The following RIT2 variants were observed in gnomAD, a reference collection of about 807,000 sequenced individuals.
The protein encoded by RIT2 is Ras like without CAAX 2, also known as GTP-binding protein Rit2.
Under a neutral mutation model 23.7 loss-of-function variants are expected in RIT2, and 24 were observed. That is an observed-to-expected ratio of 1.01 (90% CI 0.73 to 1.43). The LOEUF (loss-of-function observed/expected upper bound fraction) is 1.43, where lower values mean the gene tolerates loss of function less well. Ranked by LOEUF, RIT2 falls within the 40% of genes most tolerant of loss-of-function variation. The pLI is 0.00. For missense variants in RIT2, 236 were observed against 266.9 expected, an observed-to-expected ratio of 0.88 and a Z score of 0.81; for synonymous variants, 107 against 91.1, an observed-to-expected ratio of 1.17 and a Z score of -0.99.
chr18:42,985,979 A>G lies in RIT2; in HGVS notation c.161-11832T>C, dbSNP rs867725819. Among the ~76,000 whole-genome samples, 11 of 152,070 alleles carry G rather than the reference A, an allele frequency of 7.2e-5. 1 individual carries two copies. The highest frequency in any genetic ancestry group is 3.4e-3 in the Middle Eastern group (1 of 294). On this transcript the variant is annotated intron_variant, in intron 2 of 4. Coordinates refer to ENST00000326695, the MANE Select transcript of RIT2 (RefSeq NM_002930.4). ...TGAGAATGAAAATATGAGTCATTTT[A>G]TGAAATAAAGTGGGTGTAACAACAA...
intron 1 of RIT2, among the ~76,000 whole-genome samples, chr18:43,111,225 T>C (rs1022079276): frequency 7.2e-5 from 11 of 152,098 alleles, no homozygotes; most frequent in Non-Finnish European, 1.2e-4. Flanking sequence ...CATGGTCTCA[T>C]TCATTTGTGG....
intron 1 of RIT2, among the ~76,000 whole-genome samples, chr18:43,065,603 A>G (rs760344233): frequency 6.6e-6 from 1 of 152,064 alleles, no homozygotes. Flanking sequence ...AAAGTGTTTT[A>G]TCTTCTTTAT....
chr18:43,089,653 A>C (rs181444398), intron 1 of RIT2, among the ~76,000 whole-genome samples: 2 of 152,136 alleles, frequency 1.3e-5, no homozygotes, highest in Admixed American at 6.6e-5. Context: ...ACAGGGCTAC[A>C]GTAACCAAAA....
At chr18:42,992,354 G>A (rs1230963421) in intron 2 of RIT2, among the ~76,000 whole-genome samples, 2 of 151,926 alleles carry the variant, frequency 1.3e-5, no homozygotes, top group Non-Finnish European at 2.9e-5. Flanking sequence ...TCGTAAAATG[G>A]GCAAATGGTC....
chr18:42,790,151 T>C (rs1488351568), intron 4 of RIT2, among the ~76,000 whole-genome samples: 1 of 152,212 alleles, frequency 6.6e-6, no homozygotes. Context: ...ACATAGAATC[T>C]TTACAAACTA....
chr18:43,110,435 A>G (rs76518552), intron 1 of RIT2, among the ~76,000 whole-genome samples: 26,003 of 152,086 alleles, frequency 0.17, 2,412 homozygotes, highest in East Asian at 0.37. Context: ...GCCAAGGAAG[A>G]CAATATTTCA....
intron 4 of RIT2, among the ~76,000 whole-genome samples, chr18:42,886,156 A>T (rs1908017428): frequency 6.6e-6 from 1 of 152,224 alleles, no homozygotes; most frequent in African/African-American, 2.4e-5. Context: ...CTGCTGATTA[A>T]AGTATACATT....
chr18:42,972,541 T>G lies in RIT2; in HGVS notation c.234+1533A>C, dbSNP rs2144202168. 2.0e-5 allele frequency among the ~76,000 whole-genome samples: 3 copies of G among 151,978 alleles called. No individual in the cohort carries two copies. In the Middle Eastern group the frequency reaches 0.01, roughly 520 times the overall value. On this transcript the variant is annotated intron_variant, in intron 3 of 4. Transcript: ENST00000326695. ...GATTTGTGTATACATGATGTAGGTTTTCAACTTAATAATTTCCTACATTAG... is the reference window on the plus strand; with the variant it reads ...GATTTGTGTATACATGATGTAGGTTGTCAACTTAATAATTTCCTACATTAG...
chr18:42,862,094 A>T (rs761028448), intron 4 of RIT2, among the ~76,000 whole-genome samples: 17 of 152,052 alleles, frequency 1.1e-4, no homozygotes, highest in Non-Finnish European at 2.4e-4. Context: ...ATATGGTTTG[A>T]CTCTGTGTCC....
chr18:42,849,023 C>T (rs1232131811), intron 4 of RIT2, among the ~76,000 whole-genome samples: 2 of 152,048 alleles, frequency 1.3e-5, no homozygotes, highest in Non-Finnish European at 2.9e-5. Flanking sequence ...TATGTGTTAG[C>T]TTATTTAATC....
At chr18:43,067,115 T>C (rs1415222797) in intron 1 of RIT2, among the ~76,000 whole-genome samples, 1 of 151,988 alleles carries the variant, frequency 6.6e-6, no homozygotes, top group Non-Finnish European at 1.5e-5. Context: ...CTTTCTGGGA[T>C]ACAACATGAG....
intron 4 of RIT2, among the ~76,000 whole-genome samples, chr18:42,908,232 T>G (rs544775294): frequency 6.6e-6 from 1 of 150,984 alleles, no homozygotes; most frequent in South Asian, 2.1e-4. Flanking sequence ...TTAATAGAAT[T>G]TACTCAATCT....
chr18:43,050,394 C>A (rs1912352087), intron 1 of RIT2, among the ~76,000 whole-genome samples: 1 of 151,990 alleles, frequency 6.6e-6, no homozygotes, highest in African/African-American at 2.4e-5. Flanking sequence ...ATAGACATTT[C>A]TGGGAGCAGG....
chr18:42,878,037 G>T (rs117155011), intron 4 of RIT2, among the ~76,000 whole-genome samples: 5,272 of 151,236 alleles, frequency 0.035, 133 homozygotes, highest in Middle Eastern at 0.066. Context: ...AAACACTTCT[G>T]GTCCCAAGTA....
At position 42,869,643 on chromosome 18, in the gene RIT2, T is replaced by A. The variant is rs372247213; in HGVS notation, c.426+53929A>T. On this transcript the variant is annotated intron_variant, in intron 4 of 4. Transcript: ENST00000326695. ...TTGTTTGAACCCCAGTTGTACCCTG[T>A]CCTCTTTGATCTGGTTAAAACTTTC... 1.5e-4 allele frequency among the ~76,000 whole-genome samples: 23 copies of A among 152,316 alleles called. No homozygotes were observed. The East Asian group carries it at 2.7e-3, about 18-fold the overall frequency.
intron 4 of RIT2, among the ~76,000 whole-genome samples, chr18:42,744,745 G>A (rs1217194411): frequency 6.6e-6 from 1 of 152,118 alleles, no homozygotes; most frequent in Admixed American, 6.6e-5. Context: ...ATAAGTTGAA[G>A]AGATGGAGTT....
At chr18:42,767,104 A>G (rs1450397709) in intron 4 of RIT2, among the ~76,000 whole-genome samples, 1 of 152,184 alleles carries the variant, frequency 6.6e-6, no homozygotes, top group Admixed American at 6.5e-5. Context: ...CAGAGTCCCT[A>G]CTGGGGCACT....
intron 1 of RIT2, among the ~76,000 whole-genome samples, chr18:43,042,638 C>T (rs1381643811): frequency 1.3e-5 from 2 of 152,266 alleles, no homozygotes; most frequent in Non-Finnish European, 2.9e-5. Context: ...TGTTCCCTTG[C>T]TGGCATTCTT....
chr18:42,965,711 CTTTTTTTTTTTTTTTTTT>C (rs58344278), intron 3 of RIT2, among the ~76,000 whole-genome samples: 9,702 of 38,094 alleles, frequency 0.25, 687 homozygotes, highest in Middle Eastern at 0.45. Flanking sequence ...GTACTGATGG[CTTTTTTTTTTTTTTTTTT>C]TTTTTTTTTT....
Sources: gnomAD v4.1 joint callset for allele counts (sites outside exome capture counted in the v4.1 genomes callset) on GRCh38, gnomAD v4.1.1 for gene constraint, MANE v1.5 for transcripts, NCBI Gene and HGNC (gene_info 2026-07-23, HGNC 2026-07-21) for gene names.